Variants in ZFHX3 observed in about 807,000 individuals in gnomAD.
The protein encoded by ZFHX3 is zinc finger homeobox protein 3.
ZFHX3 carries 42 observed loss-of-function variants against 279.1 expected under a neutral mutation model. That is an observed-to-expected ratio of 0.15 (90% CI 0.12 to 0.19). The LOEUF is 0.19. Ranked by LOEUF, ZFHX3 falls within the 10% of genes least tolerant of loss-of-function variation. The probability of loss-of-function intolerance (pLI) is 1.00; values close to 1 mark genes in which losing one functional copy is unlikely to be tolerated. For missense variants in ZFHX3, 4,981 were observed against 4,754.0 expected (o/e 1.05, Z -1.40); for synonymous variants, 2,293 against 1,957.8 (o/e 1.17, Z -4.52).
chr16:73,874,033 A>G lies in ZFHX3; in HGVS notation c.-1608+17618T>C, dbSNP rs182755322. On this transcript the variant is annotated intron_variant, in intron 1 of 17. Transcript: ENST00000641206. ...GAAAACAGTCAGCCTTTTCTCTTCA[A>G]TATCTCAGGATTAGGGTCAGATGAA... Among the ~76,000 whole-genome samples, 16 of 152,332 alleles carry G rather than the reference A, an allele frequency of 1.1e-4. 1 individual carries two copies. The highest frequency in any genetic ancestry group is 3.9e-4 in the Admixed American group (6 of 15,298).
intron 6 of ZFHX3, among the ~76,000 whole-genome samples, chr16:73,140,235 T>G (rs1317000093): frequency 6.6e-6 from 1 of 152,040 alleles, no homozygotes; most frequent in Non-Finnish European, 1.5e-5. Context: ...CACTCCATCC[T>G]GGGAGACAGA....
chr16:72,844,083 A>G (rs2037417427), intron 4 of ZFHX3, among the ~76,000 whole-genome samples: 1 of 152,174 alleles, frequency 6.6e-6, no homozygotes, highest in South Asian at 2.1e-4. Context: ...GGGGAATCCC[A>G]GAAGTACTGC....
chr16:73,115,252 G>T (rs1966418089), intron 7 of ZFHX3, among the ~76,000 whole-genome samples: 1 of 151,762 alleles, frequency 6.6e-6, no homozygotes, highest in African/African-American at 2.4e-5. Flanking sequence ...CAAGATTACG[G>T]GGTCCAGGCC....
At chr16:73,592,350 A>G (rs76324193) in intron 2 of ZFHX3, among the ~76,000 whole-genome samples, 3,495 of 152,290 alleles carry the variant, frequency 0.023, 122 homozygotes, top group East Asian at 0.11. Context: ...TAAATAATCT[A>G]TGGGAGAGAG....
At chr16:73,008,227 T>C (rs1380468316) in intron 1 of ZFHX3, among the ~76,000 whole-genome samples, 1 of 152,200 alleles carries the variant, frequency 6.6e-6, no homozygotes, top group East Asian at 1.9e-4. Flanking sequence ...TGCCCCTGAA[T>C]ATAACTTTGG....
intron 2 of ZFHX3, among the ~76,000 whole-genome samples, chr16:73,456,582 CA>C (rs1447750227): frequency 6.6e-5 from 10 of 152,306 alleles, no homozygotes; most frequent in African/African-American, 2.4e-4. Context: ...TAGGCAAGAC[CA>C]CAGCCAGCTT....
At chr16:72,936,525 A>G (rs1414620616) in intron 3 of ZFHX3, among the ~76,000 whole-genome samples, 1 of 152,212 alleles carries the variant, frequency 6.6e-6, no homozygotes, top group Non-Finnish European at 1.5e-5. Flanking sequence ...ACGACCAGAT[A>G]TTGAATGAGA....
rs1436244172 is a variant in ZFHX3, at chr16:72,965,059, A to G, written c.-49-4865T>C. 2.2e-5 allele frequency among the ~76,000 whole-genome samples: 3 copies of G among 138,538 alleles called. No homozygotes were observed. The East Asian group carries it at 5.9e-4, about 27-fold the overall frequency. 90.9% of individuals were successfully genotyped at this position (138,538 alleles called of 152,430 possible). ...CGTCTGGCTAACTTTTTGTAGTTTT[A>G]GTATAGATGGGGTTTCACCATGTTG... On this transcript the variant is annotated intron_variant, in intron 1 of 9. Transcript: ENST00000268489.
chr16:72,971,878 A>ATTTTTTTTTTTTTTTTTTTTTTTTTTTTT (rs34508228), intron 1 of ZFHX3, among the ~76,000 whole-genome samples: 1 of 95,466 alleles, frequency 1.0e-5, no homozygotes, highest in Non-Finnish European at 2.0e-5. Flanking sequence ...CTGCCTATTA[A>ATTTTTTTTTTTTTTTTTTTTTTTTTTTTT]TTTTTTTTTT....
intron 2 of ZFHX3, among the ~76,000 whole-genome samples, chr16:73,538,997 C>A (rs201750525): frequency 1.2e-4 from 18 of 152,152 alleles, no homozygotes; most frequent in African/African-American, 4.3e-4. Context: ...GAGGTACGTG[C>A]GATGTGTCCC....
Position 72,829,833 on chromosome 16 carries a change from G to C in ZFHX3, c.3475C>G (p.Pro1159Ala), listed in dbSNP as rs2037022078. 6.2e-7 allele frequency: 1 copy of C among 1,614,010 alleles called. No individual in the cohort carries two copies. Among genetic ancestry groups the C allele is most frequent in the Non-Finnish European group, 8.5e-7 (1 of 1,180,030 alleles). Residue 1159 changes from proline to alanine, a missense_variant, in exon 5 of 10, where the codon CCC (proline) becomes GCC (alanine). Coordinates refer to ENST00000268489, the MANE Select transcript of ZFHX3 (RefSeq NM_006885.4). The part of the protein sequence containing the change: ...PEEAIEDVEG[P>A]SETAADPEEL... Reference sequence around the variant, plus strand: ...TCTGGATCAGCAGCTGTTTCACTGGGTCCTTCAACATCTTCAATGGCTTCT... The same window carrying C: ...TCTGGATCAGCAGCTGTTTCACTGGCTCCTTCAACATCTTCAATGGCTTCT...
chr16:73,757,757 G>A (rs997517944), intron 1 of ZFHX3, among the ~76,000 whole-genome samples: 8 of 152,148 alleles, frequency 5.3e-5, no homozygotes, highest in Non-Finnish European at 8.8e-5. Context: ...TTTCACCAGC[G>A]TGAAGTGATC....
In ZFHX3 at chr16:72,796,361, C is replaced by G. The variant is rs760535739; in HGVS notation, c.6321G>C (p.Leu2107=). The G allele has an allele frequency of 1.2e-6, 2 of 1,613,846 alleles. No homozygotes were observed. The highest frequency in any genetic ancestry group is 1.1e-5 in the South Asian group (1 of 91,036). Residue 2107 remains leucine, a synonymous_variant, in exon 9 of 10, where the codon CTG becomes CTC. Transcript: ENST00000268489. ...FSPLMMQTMP[L]QTLPAQLPPQ... is the part of the protein sequence containing the mutation. ...GGGGTAGCTGAGCCGGCAAGGTCTG[C>G]AGCGGCATCGTCTGCATCATCAGCG... is the stretch of plus-strand genomic sequence containing the variant.
intron 2 of ZFHX3, among the ~76,000 whole-genome samples, chr16:73,505,880 C>T (rs1008873676): frequency 3.9e-5 from 6 of 152,206 alleles, no homozygotes; most frequent in Admixed American, 2.0e-4. Context: ...GAATCTTTCC[C>T]GCTCCATGCA....
chr16:73,597,013 G>GACACCA (rs1208022827), intron 2 of ZFHX3, among the ~76,000 whole-genome samples: 3 of 152,208 alleles, frequency 2.0e-5, no homozygotes, highest in African/African-American at 4.8e-5. Flanking sequence ...GGTGTCCACA[G>GACACCA]TCTGTTCCAC....
intron 1 of ZFHX3, among the ~76,000 whole-genome samples, chr16:73,732,869 G>T (rs911403776): frequency 6.6e-6 from 1 of 152,204 alleles, no homozygotes; most frequent in South Asian, 2.1e-4. Context: ...CATGATCCAT[G>T]CCTATAAGCT....
intron 5 of ZFHX3, among the ~76,000 whole-genome samples, chr16:73,156,617 G>A (rs980204053): frequency 6.6e-6 from 1 of 152,184 alleles, no homozygotes; most frequent in Non-Finnish European, 1.5e-5. Context: ...GTGCAGTGGG[G>A]TGATCCTGGC....
At chr16:73,601,850 A>G (rs1268621646) in intron 2 of ZFHX3, among the ~76,000 whole-genome samples, 1 of 152,250 alleles carries the variant, frequency 6.6e-6, no homozygotes, top group African/African-American at 2.4e-5. Context: ...CACAGAATAA[A>G]GGAAATGCTG....
chr16:73,345,572 G>A (rs149927234), intron 3 of ZFHX3, among the ~76,000 whole-genome samples: 200 of 152,124 alleles, frequency 1.3e-3, no homozygotes, highest in African/African-American at 4.3e-3. Context: ...ACATGATCTC[G>A]TTCCTTTTTA....
Sources: gnomAD v4.1 joint callset for allele counts (sites outside exome capture counted in the v4.1 genomes callset) on GRCh38, gnomAD v4.1.1 for gene constraint, MANE v1.5 for transcripts, NCBI Gene and HGNC (gene_info 2026-07-23, HGNC 2026-07-21) for gene names.